TECPR2: variants seen among roughly 807,000 people sequenced by gnomAD.
The protein encoded by TECPR2 is tectonin beta-propeller repeat-containing protein 2.
Under a neutral mutation model 138.1 loss-of-function variants are expected in TECPR2, and 65 were observed. The observed-to-expected ratio is 0.47, with a 90% CI of 0.39 to 0.58. The LOEUF (loss-of-function observed/expected upper bound fraction) is 0.58, where lower values mean the gene tolerates loss of function less well. TECPR2 is among the 20% of genes least tolerant of loss of function. The pLI is 0.00. For synonymous variants in TECPR2, 746 were observed against 749.8 expected (o/e 0.99, Z 0.08); for missense variants, 1,553 against 1,824.5 (o/e 0.85, Z 2.71).
intron 5 of TECPR2, 133 bp from the exon 6 acceptor site, chr14:102,424,846 G>C: frequency 1.1e-6 from 1 of 898,334 alleles, no homozygotes; most frequent in Non-Finnish European, 1.7e-6. Flanking sequence ...ACAAACAGTA[G>C]AAAGGGTGAA....
At chr14:102,390,415 G>A (rs1888136616) in intron 2 of TECPR2, among the ~76,000 whole-genome samples, 1 of 152,122 alleles carries the variant, frequency 6.6e-6, no homozygotes, top group African/African-American at 2.4e-5. Context: ...AAAGGCAAAG[G>A]AGAGTTAAAC....
rs1032916799 is a variant in TECPR2 at position 102,497,646 on chromosome 14, G to T, written c.4008G>T (p.Arg1336=). The change falls in exon 19 of 20, where the codon CGG becomes CGT. Residue 1336 remains arginine, a synonymous_variant. Transcript: ENST00000359520. ...GTCCAAACGGAGACCTCGCCCGGCGGTACGGCGTCACAGACAAGAACCCCG... is the reference window on the plus strand; with the variant it reads ...GTCCAAACGGAGACCTCGCCCGGCGTTACGGCGTCACAGACAAGAACCCCG... ...ARCPNGDLAR[R]YGVTDKNPAG... The T allele has an allele frequency of 6.2e-7, 1 of 1,609,430 alleles. No homozygotes were observed. The highest frequency in any genetic ancestry group is 1.3e-5 in the African/African-American group (1 of 74,964).
At chr14:102,435,736 T>C (rs1244946652) in intron 9 of TECPR2, among the ~76,000 whole-genome samples, 1 of 152,222 alleles carries the variant, frequency 6.6e-6, no homozygotes, top group African/African-American at 2.4e-5. Flanking sequence ...CCCTGCGAGC[T>C]GTACAGGAAC....
intron 17 of TECPR2, among the ~76,000 whole-genome samples, chr14:102,489,656 C>T (rs1187208641): frequency 6.8e-6 from 1 of 147,422 alleles, no homozygotes; most frequent in East Asian, 2.0e-4. Context: ...AGTGAGCCAA[C>T]ATCACACCAT....
intron 6 of TECPR2, among the ~76,000 whole-genome samples, chr14:102,426,181 C>T (rs966169140): frequency 6.6e-5 from 10 of 151,914 alleles, no homozygotes; most frequent in Non-Finnish European, 1.5e-4. Flanking sequence ...CCGCCGCGCC[C>T]GGCCGCCACT....
At chr14:102,426,154 G>A (rs560479788) in intron 6 of TECPR2, among the ~76,000 whole-genome samples, 41 of 152,038 alleles carry the variant, frequency 2.7e-4, no homozygotes, top group Non-Finnish European at 4.6e-4. Flanking sequence ...CCAAAGTGCT[G>A]GGGTTACAGG....
At chr14:102,496,332 G>A (rs1453085491) in intron 17 of TECPR2, among the ~76,000 whole-genome samples, 1 of 152,212 alleles carries the variant, frequency 6.6e-6, no homozygotes, top group Non-Finnish European at 1.5e-5. Flanking sequence ...ACTGAGGGGT[G>A]GGAAGCCCTG....
chr14:102,437,105 G>A (rs1233439603), intron 9 of TECPR2: 1 of 985,284 alleles, frequency 1.0e-6, no homozygotes, highest in African/African-American at 1.7e-5. Context: ...TTGCCATGGT[G>A]AGCAGGGCTG....
At chr14:102,388,532 A>G (rs1317602726) in intron 2 of TECPR2, among the ~76,000 whole-genome samples, 2 of 151,976 alleles carry the variant, frequency 1.3e-5, no homozygotes, top group African/African-American at 4.8e-5. Flanking sequence ...CATCTCTACT[A>G]AAAATACAAA....
chr14:102,409,905 A>G (rs891655990), intron 4 of TECPR2, among the ~76,000 whole-genome samples: 2 of 152,136 alleles, frequency 1.3e-5, no homozygotes, highest in Non-Finnish European at 2.9e-5. Context: ...CCCGGGTTCA[A>G]GGGATTCTCA....
intron 5 of TECPR2, among the ~76,000 whole-genome samples, chr14:102,421,139 A>AT: frequency 6.6e-6 from 1 of 152,352 alleles, no homozygotes; most frequent in South Asian, 2.1e-4. Flanking sequence ...ATGACAAGAG[A>AT]TTTTTCAGAG....
At chr14:102,480,947 T>A (rs1487674350) in intron 17 of TECPR2, among the ~76,000 whole-genome samples, 1 of 137,324 alleles carries the variant, frequency 7.3e-6, no homozygotes, top group Admixed American at 8.3e-5. Flanking sequence ...TGGGTTCAAG[T>A]GATTCTCCTG....
At chr14:102,405,939 TACTG>T (rs1888646378) in intron 2 of TECPR2, among the ~76,000 whole-genome samples, 1 of 151,598 alleles carries the variant, frequency 6.6e-6, no homozygotes, top group Non-Finnish European at 1.5e-5. Context: ...AAAAGGCAAA[TACTG>T]TATGGTTCCA....
intron 17 of TECPR2, among the ~76,000 whole-genome samples, chr14:102,476,170 G>T (rs1321856740): frequency 7.6e-6 from 1 of 131,656 alleles, no homozygotes; most frequent in East Asian, 2.3e-4. Flanking sequence ...TTGCACCACT[G>T]CACTCCAGCC....
At chr14:102,437,485 C>T (rs1011027586) in intron 9 of TECPR2, among the ~76,000 whole-genome samples, 12 of 151,738 alleles carry the variant, frequency 7.9e-5, no homozygotes, top group African/African-American at 2.4e-4. Flanking sequence ...ACCCAGGAGG[C>T]GGAGGTTGCA....
intron 17 of TECPR2, among the ~76,000 whole-genome samples, chr14:102,482,825 G>A (rs1474217805): frequency 1.3e-5 from 2 of 150,000 alleles, no homozygotes; most frequent in Non-Finnish European, 3.0e-5. Context: ...CTACTGAGAA[G>A]CCAGAAGCCT....
intron 12 of TECPR2, among the ~76,000 whole-genome samples, chr14:102,445,032 C>T (rs1889934396): frequency 1.3e-5 from 2 of 152,202 alleles, no homozygotes; most frequent in South Asian, 4.1e-4. Context: ...TGAGACTGGC[C>T]CTGCTCTCAT....
At chr14:102,497,858 T>C in intron 19 of TECPR2, 139 bp downstream of exon 19, 1 of 1,268,082 alleles carries the variant, frequency 7.9e-7, no homozygotes, top group African/African-American at 1.5e-5. Context: ...AAGCCAGGAG[T>C]GTGTCCCAGG....
At chr14:102,492,448 A>G (rs573339972) in intron 17 of TECPR2, among the ~76,000 whole-genome samples, 3 of 152,370 alleles carry the variant, frequency 2.0e-5, no homozygotes, top group African/African-American at 7.2e-5. Flanking sequence ...AAGCTCTGTC[A>G]TGCTGTGCAC....
Sources: allele counts gnomAD v4.1 joint callset (sites outside exome capture counted in the v4.1 genomes callset), GRCh38; gene constraint gnomAD v4.1.1; transcripts MANE v1.5; gene names NCBI Gene and HGNC (gene_info 2026-07-23, HGNC 2026-07-21).